RAD54B: variants seen among roughly 807,000 people sequenced by gnomAD.
The protein encoded by RAD54B is RAD54 homolog B.
RAD54B carries 78 observed loss-of-function variants against 95.8 expected under a neutral mutation model. That is an observed-to-expected ratio of 0.81 (90% CI 0.68 to 0.98). The LOEUF (loss-of-function observed/expected upper bound fraction) is 0.98, where lower values mean the gene tolerates loss of function less well. Ranked by LOEUF, RAD54B falls within the 50% of genes least tolerant of loss-of-function variation. RAD54B has a pLI of 0.00. For synonymous variants in RAD54B, 328 were observed against 354.9 expected, an observed-to-expected ratio of 0.92 and a Z score of 0.85; for missense variants, 957 against 1,056.6, an observed-to-expected ratio of 0.91 and a Z score of 1.31.
intron 3 of RAD54B, among the ~76,000 whole-genome samples, chr8:94,412,382 TTTG>T (rs1811550881): frequency 1.3e-5 from 2 of 152,236 alleles, no homozygotes; most frequent in South Asian, 4.1e-4. Context: ...TTTTTTTTTT[TTTG>T]GCTATATACC....
At chr8:94,426,528 G>A (rs1369020621) in intron 3 of RAD54B, among the ~76,000 whole-genome samples, 3 of 152,112 alleles carry the variant, frequency 2.0e-5, no homozygotes, top group Non-Finnish European at 4.4e-5. Flanking sequence ...GCAACAGAAA[G>A]CAATGAGCTA....
chr8:94,415,586 C>G (rs1427253486), intron 3 of RAD54B, among the ~76,000 whole-genome samples: 2 of 133,884 alleles, frequency 1.5e-5, no homozygotes, highest in Non-Finnish European at 3.2e-5. Flanking sequence ...AGGCAACCTA[C>G]AAAATGGGAG....
chr8:94,462,648 A>T (rs753318279), intron 2 of RAD54B, among the ~76,000 whole-genome samples: 7 of 152,308 alleles, frequency 4.6e-5, no homozygotes, highest in Non-Finnish European at 8.8e-5. Flanking sequence ...AAATAGTTTA[A>T]AAACAAGAAG....
intron 4 of RAD54B, among the ~76,000 whole-genome samples, chr8:94,409,378 CTTTTTT>C (rs910847332): frequency 1.4e-5 from 2 of 144,216 alleles, no homozygotes; most frequent in Non-Finnish European, 3.1e-5. Flanking sequence ...CTTTTTCTTT[CTTTTTT>C]TTTTTTAAGA....
At chr8:94,430,373 T>C (rs1812060179) in intron 3 of RAD54B, 1 of 985,008 alleles carries the variant, frequency 1.0e-6, no homozygotes, top group African/African-American at 1.7e-5. Context: ...CATCCAAATT[T>C]ATATCCCTCA....
intron 10 of RAD54B, 52 bp from the exon 11 acceptor site, chr8:94,387,211 G>A: frequency 1.4e-6 from 2 of 1,434,884 alleles, no homozygotes; most frequent in Non-Finnish European, 1.9e-6. Context: ...TTTTTAATTA[G>A]GAGGGGAAAA....
At chr8:94,377,970 C>T (rs1250449648) in intron 14 of RAD54B, among the ~76,000 whole-genome samples, 36 of 75,792 alleles carry the variant, frequency 4.7e-4, no homozygotes, top group African/African-American at 1.8e-3. Context: ...AGCGAGACTC[C>T]GTCTCAAAAA....
At position 94,467,529 on chromosome 8, in the gene RAD54B, G is replaced by C; in HGVS notation, c.11C>G (p.Ser4Cys). 2 of 1,612,710 alleles carry C rather than the reference G, an allele frequency of 1.2e-6. No homozygotes were observed. The highest frequency in any genetic ancestry group is 4.5e-5 in the East Asian group (2 of 44,856). The stretch of plus-strand genomic sequence containing the variant: ...CCCCTGCAACTGACTTGGTGCTGCA[G>C]ATCGTCTCATATTCAGCAGTCGTGA... MRRSAAPSQLQGNS... is the reference protein window; with the variant it reads MRRCAAPSQLQGNS... The change falls in exon 2 of 15, where the codon TCT becomes TGT. Residue 4 changes from serine (S) to cysteine (C), a missense_variant. Physicochemically the swap from Ser to Cys is moderately radical, Grantham distance 112 (BLOSUM62 -1). Coordinates refer to ENST00000336148, the MANE Select transcript of RAD54B (RefSeq NM_012415.3).
intron 3 of RAD54B, among the ~76,000 whole-genome samples, chr8:94,446,831 G>A (rs1229383422): frequency 6.6e-6 from 1 of 152,088 alleles, no homozygotes; most frequent in Non-Finnish European, 1.5e-5. Context: ...AAGGCATAGG[G>A]CCCTCATTCC....
In RAD54B at chr8:94,400,246, C is replaced by T; in HGVS notation, c.1162G>A (p.Val388Ile). The T allele has an allele frequency of 6.2e-7, 1 of 1,610,444 alleles. No individual in the cohort carries two copies. The highest frequency in any genetic ancestry group is 1.1e-5 in the South Asian group (1 of 90,980). ...LGSERIKIFT[V>I]DQDHKVEEFI... is the part of the protein sequence containing the mutation. ...ACTTTTAAGTTTCTTACCTGATCAA[C>T]AGTAAATATCTTGATCCTTTCACTT... The change falls in exon 7 of 15, where the codon GTT becomes ATT. Residue 388 changes from valine to isoleucine, a missense_variant. Physicochemically the swap from Val to Ile is conservative, Grantham distance 29. Transcript: ENST00000336148.
At chr8:94,469,104 T>TG (rs1428181729) in intron 1 of RAD54B, among the ~76,000 whole-genome samples, 3 of 150,740 alleles carry the variant, frequency 2.0e-5, no homozygotes, top group Admixed American at 2.0e-4. Context: ...TCTCTTGTTT[T>TG]TTTTTTTTTA....
intron 3 of RAD54B, among the ~76,000 whole-genome samples, chr8:94,455,709 T>C (rs1045094858): frequency 6.6e-6 from 1 of 152,174 alleles, no homozygotes; most frequent in African/African-American, 2.4e-5. Context: ...ATGCTCTCTC[T>C]GAAGGTTCTA....
chr8:94,395,359 T>G (rs1811118333), intron 8 of RAD54B, among the ~76,000 whole-genome samples: 2 of 152,058 alleles, frequency 1.3e-5, no homozygotes, highest in Admixed American at 1.3e-4. Context: ...CAGCTATAAT[T>G]TAGCTTGAGC....
At chr8:94,389,960 C>T (rs1810976358) in intron 10 of RAD54B, among the ~76,000 whole-genome samples, 1 of 152,116 alleles carries the variant, frequency 6.6e-6, no homozygotes, top group Non-Finnish European at 1.5e-5. Flanking sequence ...ATAAGGTCTT[C>T]CTTTTAATGA....
intron 10 of RAD54B, among the ~76,000 whole-genome samples, chr8:94,390,198 T>A (rs867806347): frequency 4.0e-4 from 60 of 150,418 alleles, no homozygotes; most frequent in Middle Eastern, 3.4e-3. Context: ...TAAATATTTT[T>A]AAAAAAAATA....
chr8:94,387,215 G>A, intron 10 of RAD54B, 56 bp from the exon 11 acceptor site: 6 of 1,375,674 alleles, frequency 4.4e-6, no homozygotes, highest in South Asian at 1.6e-5. Context: ...TAATTAGGAG[G>A]GGAAAATGCT....
chr8:94,388,465 A>T (rs1810943697), intron 10 of RAD54B, among the ~76,000 whole-genome samples: 1 of 152,184 alleles, frequency 6.6e-6, no homozygotes, highest in African/African-American at 2.4e-5. Flanking sequence ...TTCGTAGTTC[A>T]GTTTTGGGGG....
intron 3 of RAD54B, chr8:94,436,670 C>T (rs1365996445): frequency 1.3e-6 from 2 of 1,550,402 alleles, no homozygotes; most frequent in Non-Finnish European, 1.7e-6. Context: ...GTGCGTAGGC[C>T]CTGTGCTGTT....
chr8:94,377,545 GAAAA>G (rs71273330), intron 14 of RAD54B, among the ~76,000 whole-genome samples: 4,807 of 68,668 alleles, frequency 0.07, 191 homozygotes, highest in African/African-American at 0.15. Flanking sequence ...CCCTGTCTTG[GAAAA>G]AAAAAAAAAA....
Sources: allele counts gnomAD v4.1 joint callset (sites outside exome capture counted in the v4.1 genomes callset), GRCh38; gene constraint gnomAD v4.1.1; transcripts MANE v1.5; gene names NCBI Gene and HGNC (gene_info 2026-07-23, HGNC 2026-07-21).